HECTD4: variants seen among roughly 807,000 people sequenced by gnomAD.
HECTD4 encodes probable E3 ubiquitin-protein ligase HECTD4.
HECTD4 carries 114 observed loss-of-function variants against 471.5 expected under a neutral mutation model. That is an observed-to-expected ratio of 0.24 (90% confidence interval 0.21 to 0.28). The LOEUF is 0.28. Among genes scored for constraint, HECTD4 ranks in the 10% least tolerant of loss-of-function variants. The probability of loss-of-function intolerance (pLI) is 1.00; values close to 1 mark genes in which losing one functional copy is unlikely to be tolerated. For synonymous variants in HECTD4, 2,012 were observed against 2,256.0 expected, an observed-to-expected ratio of 0.89 and a Z score of 3.07; for missense variants, 3,866 against 5,651.5, an observed-to-expected ratio of 0.68 and a Z score of 10.13.
At chr12:112,330,145 T>C (rs905633032) in intron 1 of HECTD4, among the ~76,000 whole-genome samples, 2 of 151,830 alleles carry the variant, frequency 1.3e-5, no homozygotes, top group Non-Finnish European at 2.9e-5. Context: ...GGCGTGGTGA[T>C]GGGCGCCTGT....
intron 1 of HECTD4, among the ~76,000 whole-genome samples, chr12:112,371,754 C>T (rs978965596): frequency 5.9e-5 from 9 of 151,668 alleles, no homozygotes; most frequent in African/African-American, 1.7e-4. Flanking sequence ...GGCGTGGAGG[C>T]GGGCGCCTGT....
chr12:112,166,730 T>G lies in HECTD4; in HGVS notation c.12534+587A>C, dbSNP rs2030976790. 6.6e-6 allele frequency: 1 copy of G among 152,350 alleles called. No homozygotes were observed. Among genetic ancestry groups the G allele is most frequent in the Non-Finnish European group, 1.5e-5 (1 of 68,138 alleles). 9.4% of individuals were successfully genotyped at this position (152,350 alleles called of 1,614,324 possible). A position where few individuals can be genotyped will look rare whatever the true frequency, so the allele number is the denominator to read the frequency against. ...GAAGGAGACGAGCCTGGACACTCCC[T>G]GAGGACAGGGCGAGTGCCCAGAGCC... On this transcript the variant is annotated intron_variant, in intron 72 of 75. Transcript: ENST00000682272. This position sits in a 1 kb window ranked among gnomAD's most constrained non-coding sequence, Gnocchi z 4.6.
chr12:112,274,979 A>C lies in HECTD4; in HGVS notation c.1688-19T>G. 1 of 1,405,936 alleles carries C rather than the reference A, an allele frequency of 7.1e-7. No homozygotes were observed. The highest frequency in any genetic ancestry group is 9.8e-7 in the Non-Finnish European group (1 of 1,017,094). The allele number at this position is 1,405,936 out of a possible 1,614,324, so 87.1% of individuals were successfully genotyped here. ...GCTAGGACTTTGGAAACAAACATTAAGCTGTTTAATGAGCCTGAAGATTAT... is the reference window on the plus strand; with the variant it reads ...GCTAGGACTTTGGAAACAAACATTACGCTGTTTAATGAGCCTGAAGATTAT... On this transcript the variant is annotated intron_variant, in intron 9 of 75. Transcript: ENST00000682272.
At chr12:112,246,831 T>C in intron 29 of HECTD4, 70 bp downstream of exon 29, 1 of 1,373,192 alleles carries the variant, frequency 7.3e-7, no homozygotes, top group Non-Finnish European at 9.8e-7. Context: ...TAGCTGTGTG[T>C]CTTATATGAA....
chr12:112,185,415 G>T lies in HECTD4; in HGVS notation c.9551C>A (p.Thr3184Lys), dbSNP rs577238057. ...VFHLLAELLR[T>K]VHTLEQRRHP... ...CCGCCTCTGCTCCAGGGTGTGCACC[G>T]TGCGCAGGAGCTCTGCCAGGAGATG... Residue 3184 changes from threonine to lysine, a missense_variant, in exon 61 of 76, where the codon ACG becomes AAG. Transcript: ENST00000682272. 6.3e-7 allele frequency: 1 copy of T among 1,599,184 alleles called. No individual in the cohort carries two copies. The highest frequency in any genetic ancestry group is 2.2e-5 in the East Asian group (1 of 44,632).
At chr12:112,283,949 T>C (rs929601301) in intron 7 of HECTD4, among the ~76,000 whole-genome samples, 9 of 151,548 alleles carry the variant, frequency 5.9e-5, no homozygotes, top group Non-Finnish European at 8.8e-5. Flanking sequence ...GGTTTTCTTC[T>C]TTCTTCTTTT....
intron 55 of HECTD4, among the ~76,000 whole-genome samples, chr12:112,196,154 C>G (rs945194170): frequency 6.6e-6 from 1 of 152,158 alleles, no homozygotes; most frequent in African/African-American, 2.4e-5. Flanking sequence ...ACACAAAAAC[C>G]TAGGCCCCAA....
rs769206356 is a variant in HECTD4 at position 112,176,577 on chromosome 12, G to T, written c.11470+19C>A. 12 of 1,560,398 alleles carry T rather than the reference G, an allele frequency of 7.7e-6. No individual in the cohort carries two copies. The East Asian group carries it at 9.0e-5, about 12-fold the overall frequency. On this transcript the variant is annotated intron_variant, in intron 65 of 75. Coordinates refer to ENST00000682272, the MANE Select transcript of HECTD4 (RefSeq NM_001388303.1). ...GGAAGTAGGTCCCAGCCCACTCCAG[G>T]CCCCGTCTGCTCATTCACCTTCTTG...
intron 8 of HECTD4, among the ~76,000 whole-genome samples, chr12:112,282,730 A>G (rs1026419150): frequency 6.6e-6 from 1 of 152,232 alleles, no homozygotes; most frequent in African/African-American, 2.4e-5. Flanking sequence ...AAAAAACAAA[A>G]TATCTACTGT....
At chr12:112,363,922 G>A (rs1365484616) in intron 1 of HECTD4, among the ~76,000 whole-genome samples, 1 of 143,340 alleles carries the variant, frequency 7.0e-6, no homozygotes, top group Non-Finnish European at 1.5e-5. Context: ...GTTGCAGTGA[G>A]CAGAGGTTGC....
intron 2 of HECTD4, among the ~76,000 whole-genome samples, chr12:112,316,256 G>A (rs749618800): frequency 6.6e-6 from 1 of 152,120 alleles, no homozygotes; most frequent in Non-Finnish European, 1.5e-5. Flanking sequence ...GCCACTGGCT[G>A]CTTCTCATCA....
chr12:112,207,421 G>T (rs1287506990), intron 52 of HECTD4, among the ~76,000 whole-genome samples: 1 of 66 alleles, frequency 0.015, no homozygotes. Context: ...GGGATTACAG[G>T]CGTGAGCACC....
intron 17 of HECTD4, 168 bp from the exon 18 acceptor site, chr12:112,261,597 T>C (rs2034146850): frequency 1.5e-6 from 1 of 651,340 alleles, no homozygotes; most frequent in East Asian, 2.9e-5. Context: ...GTGGCCAGAA[T>C]AAGCCCAAAG....
intron 70 of HECTD4, among the ~76,000 whole-genome samples, chr12:112,168,186 C>G (rs1437147097): frequency 1.3e-5 from 2 of 152,194 alleles, no homozygotes; most frequent in African/African-American, 4.8e-5. Context: ...GTGACCGTAC[C>G]TACCCCGAAG....
intron 1 of HECTD4, among the ~76,000 whole-genome samples, chr12:112,368,963 T>C (rs192769082): frequency 6.6e-6 from 1 of 152,240 alleles, no homozygotes; most frequent in African/African-American, 2.4e-5. Flanking sequence ...TCACAACTGC[T>C]GTGCATTCTG....
chr12:112,194,907 C>G lies in HECTD4; in HGVS notation c.8727G>C (p.Gln2909His). ...TACCTGGGAGAGGAGGTGCGAGGAGCTGATTGGACAGCAGTTGCAGGTGCT... is the reference window on the plus strand; with the variant it reads ...TACCTGGGAGAGGAGGTGCGAGGAGGTGATTGGACAGCAGTTGCAGGTGCT... ...TLEHLQLLSN[Q>H]LLAPPLPDGT... is the part of the protein sequence containing the mutation. The change falls in exon 56 of 76, where the codon CAG (glutamine) becomes CAC (histidine). Residue 2909 changes from glutamine to histidine, a missense_variant. Gln to His is a conservative substitution (Grantham distance 24, BLOSUM62 0). Transcript: ENST00000682272. The surrounding 1 kb of genome is among the most constrained non-coding windows in gnomAD (Gnocchi z 4.6). The G allele has an allele frequency of 6.2e-7, 1 of 1,608,028 alleles. No individual in the cohort carries two copies.
At chr12:112,315,610 C>T (rs1453565491) in intron 2 of HECTD4, among the ~76,000 whole-genome samples, 3 of 152,182 alleles carry the variant, frequency 2.0e-5, no homozygotes, top group African/African-American at 4.8e-5. Flanking sequence ...AACAGGGACA[C>T]TTTCCTGGGG....
At chr12:112,344,875 G>A (rs138778554) in intron 1 of HECTD4, among the ~76,000 whole-genome samples, 6 of 152,170 alleles carry the variant, frequency 3.9e-5, no homozygotes, top group African/African-American at 7.2e-5. Flanking sequence ...CTGAGATCAC[G>A]CCATTGCACT....
In HECTD4 at chr12:112,252,544, A is replaced by AG. The variant is rs528866197; in HGVS notation, c.3448-17dup. ...CTCCTTCCACCTTAAAATTTAAGGAAGGGGGGGAAATGCACTTTAAAAACA... is the reference window on the plus strand; with the variant it reads ...CTCCTTCCACCTTAAAATTTAAGGAAGGGGGGGGAAATGCACTTTAAAAACA... On this transcript the variant is annotated splice_polypyrimidine_tract_variant and intron_variant, in intron 22 of 75. Coordinates refer to ENST00000682272, the MANE Select transcript of HECTD4 (RefSeq NM_001388303.1). 3.0e-4 allele frequency: 474 copies of AG among 1,601,998 alleles called. 1 individual carries two copies. The African/African-American group carries it at 5.6e-3, about 19-fold the overall frequency.
Sources: gnomAD v4.1 joint callset for allele counts (sites outside exome capture counted in the v4.1 genomes callset) on GRCh38, gnomAD v4.1.1 for gene constraint, Gnocchi (gnomAD v3.1) non-coding constraint, MANE v1.5 for transcripts, NCBI Gene and HGNC (gene_info 2026-07-23, HGNC 2026-07-21) for gene names.